Variants in FRMD4B observed in about 807,000 individuals in gnomAD.
FRMD4B encodes the protein FERM domain-containing protein 4B.
A neutral mutation model predicts 141.5 loss-of-function variants in FRMD4B; 74 were observed. The observed-to-expected ratio is 0.52, with a 90% confidence interval of 0.43 to 0.63. FRMD4B has a LOEUF of 0.63. Among genes scored for constraint, FRMD4B ranks in the 30% least tolerant of loss-of-function variants. The pLI is 0.00. For missense variants in FRMD4B, 1,366 were observed against 1,253.4 expected, an observed-to-expected ratio of 1.09 and a Z score of -1.36; for synonymous variants, 506 against 467.9, an observed-to-expected ratio of 1.08 and a Z score of -1.05.
chr3:69,460,708 CA>C (rs1340718825), intron 1 of FRMD4B, among the ~76,000 whole-genome samples: 1 of 152,128 alleles, frequency 6.6e-6, no homozygotes, highest in Admixed American at 6.6e-5. Flanking sequence ...AATATGGAAA[CA>C]AATGGGTGTG....
chr3:69,183,438 T>A (rs1311381429), intron 19 of FRMD4B, among the ~76,000 whole-genome samples: 3 of 151,576 alleles, frequency 2.0e-5, no homozygotes, highest in Admixed American at 1.3e-4. Flanking sequence ...TCACTATGTC[T>A]ACTTCCCAGC....
At chr3:69,434,177 G>T (rs1705225053) in intron 1 of FRMD4B, among the ~76,000 whole-genome samples, 1 of 152,110 alleles carries the variant, frequency 6.6e-6, no homozygotes, top group Non-Finnish European at 1.5e-5. Flanking sequence ...TTCTTTAGTG[G>T]GTGTTAACAA....
At chr3:69,373,950 T>C (rs1478012140) in intron 1 of FRMD4B, among the ~76,000 whole-genome samples, 1 of 152,166 alleles carries the variant, frequency 6.6e-6, no homozygotes, top group Admixed American at 6.5e-5. Context: ...GATAATCTTG[T>C]TTTGTCCCCT....
At chr3:69,408,697 T>C (rs1704699901) in intron 2 of FRMD4B, among the ~76,000 whole-genome samples, 1 of 152,156 alleles carries the variant, frequency 6.6e-6, no homozygotes, top group African/African-American at 2.4e-5. Context: ...AGGGCAGCTC[T>C]GCTGAGCTGG....
Position 69,169,093 on chromosome 3 carries a change from T to A in FRMD4B, c.*2768A>T, listed in dbSNP as rs569213913. Among the ~76,000 whole-genome samples the A allele has an allele frequency of 2.6e-5, 1 of 38,696 alleles. No homozygotes were observed. The highest frequency in any genetic ancestry group is 3.6e-5 in the African/African-American group (1 of 27,666). The allele number at this position is 38,696 out of a possible 152,430, so 25.4% of individuals were successfully genotyped here. A position where few individuals can be genotyped will look rare whatever the true frequency, so the allele number is the denominator to read the frequency against. ...GAAAAAAATCCAAACAAATATACAA[T>A]AAATTAACTATTATATCTGAGAGTG... is the stretch of plus-strand genomic sequence containing the variant. On this transcript the variant is annotated 3_prime_UTR_variant, in exon 23 of 23. Coordinates refer to ENST00000398540, the MANE Select transcript of FRMD4B (RefSeq NM_015123.3).
chr3:69,462,917 G>A (rs1705727723), intron 1 of FRMD4B, among the ~76,000 whole-genome samples: 1 of 152,202 alleles, frequency 6.6e-6, no homozygotes, highest in Non-Finnish European at 1.5e-5. Flanking sequence ...TAGTCAGCTT[G>A]TCACAAAGCC....
chr3:69,518,741 G>A (rs1700804500), intron 1 of FRMD4B, among the ~76,000 whole-genome samples: 1 of 152,168 alleles, frequency 6.6e-6, no homozygotes, highest in Admixed American at 6.5e-5. Context: ...GCTGTGGGGA[G>A]CTATAATGTT....
At chr3:69,341,287 C>A (rs1192653769) in intron 1 of FRMD4B, among the ~76,000 whole-genome samples, 1 of 152,004 alleles carries the variant, frequency 6.6e-6, no homozygotes, top group East Asian at 1.9e-4. Flanking sequence ...TGAAAAAAAT[C>A]TCTGCAGATT....
chr3:69,264,151 G>A (rs2093546255), intron 5 of FRMD4B, among the ~76,000 whole-genome samples: 1 of 152,040 alleles, frequency 6.6e-6, no homozygotes, highest in East Asian at 1.9e-4. Context: ...CACAGAGTTG[G>A]GCAGTGAGCA....
intron 1 of FRMD4B, among the ~76,000 whole-genome samples, chr3:69,342,529 C>T (rs567566073): frequency 6.6e-6 from 1 of 152,294 alleles, no homozygotes; most frequent in African/African-American, 2.4e-5. Context: ...TATGAGACTA[C>T]TGCCATCATT....
chr3:69,524,882 C>G (rs557631771), intron 1 of FRMD4B, among the ~76,000 whole-genome samples: 6 of 152,250 alleles, frequency 3.9e-5, no homozygotes, highest in Non-Finnish European at 7.4e-5. Flanking sequence ...GTGGGTTATT[C>G]CTAAAAGTGG....
At chr3:69,348,575 A>G (rs773698796) in intron 1 of FRMD4B, among the ~76,000 whole-genome samples, 1 of 152,206 alleles carries the variant, frequency 6.6e-6, no homozygotes, top group Non-Finnish European at 1.5e-5. Flanking sequence ...CATCGATGCA[A>G]AGATCCTCAG....
At chr3:69,427,673 T>TTTTTTTTA (rs1705109958) in intron 2 of FRMD4B, among the ~76,000 whole-genome samples, 2 of 131,978 alleles carry the variant, frequency 1.5e-5, no homozygotes, top group African/African-American at 5.8e-5. Context: ...TTTTTTTTTT[T>TTTTTTTTA]GAGACAGATT....
intron 7 of FRMD4B, among the ~76,000 whole-genome samples, chr3:69,235,865 C>A (rs767189296): frequency 1.7e-4 from 26 of 152,114 alleles, no homozygotes; most frequent in African/African-American, 2.4e-4. Flanking sequence ...AAATACGACT[C>A]CAAACCTGTG....
chr3:69,297,473 AC>A (rs1701069611), intron 4 of FRMD4B, among the ~76,000 whole-genome samples: 1 of 152,114 alleles, frequency 6.6e-6, no homozygotes, highest in Admixed American at 6.5e-5. Flanking sequence ...AAGAGGGAAG[AC>A]CAAATGAAAT....
chr3:69,487,489 G>A (rs1241557723), intron 1 of FRMD4B, among the ~76,000 whole-genome samples: 1 of 152,208 alleles, frequency 6.6e-6, no homozygotes, highest in Non-Finnish European at 1.5e-5. Flanking sequence ...AGAGACTACA[G>A]GAGAAGAGAC....
chr3:69,371,891 T>C (rs183959414), intron 1 of FRMD4B, among the ~76,000 whole-genome samples: 1 of 152,336 alleles, frequency 6.6e-6, no homozygotes, highest in Non-Finnish European at 1.5e-5. Flanking sequence ...TATATATTTG[T>C]TGAAATGAAT....
intron 1 of FRMD4B, among the ~76,000 whole-genome samples, chr3:69,482,670 T>G (rs1480928946): frequency 1.3e-5 from 2 of 152,190 alleles, no homozygotes; most frequent in African/African-American, 2.4e-5. Flanking sequence ...AATCAAATCT[T>G]TCACCAACTG....
At chr3:69,200,947 T>C (rs1670840260) in intron 11 of FRMD4B, 1 of 438,666 alleles carries the variant, frequency 2.3e-6, no homozygotes, top group Non-Finnish European at 4.6e-6. Context: ...CTCCCCCTCT[T>C]ATCACTTACA....
Sources: allele counts gnomAD v4.1 joint callset (sites outside exome capture counted in the v4.1 genomes callset), GRCh38; gene constraint gnomAD v4.1.1; transcripts MANE v1.5; gene names NCBI Gene and HGNC (gene_info 2026-07-23, HGNC 2026-07-21).